PARD3B: variants seen among roughly 807,000 people sequenced by gnomAD.
PARD3B encodes the protein par-3 family cell polarity regulator beta, also known as partitioning defective 3 homolog B.
Under a neutral mutation model 130.2 loss-of-function variants are expected in PARD3B, and 103 were observed. That is an observed-to-expected ratio of 0.79 (90% CI 0.67 to 0.93). The LOEUF (loss-of-function observed/expected upper bound fraction) is 0.93, where lower values mean the gene tolerates loss of function less well. Among genes scored for constraint, PARD3B ranks in the 40% least tolerant of loss-of-function variants. PARD3B has a pLI of 0.00. For synonymous variants in PARD3B, 583 were observed against 553.2 expected, an observed-to-expected ratio of 1.05 and a Z score of -0.76; for missense variants, 1,609 against 1,499.2, an observed-to-expected ratio of 1.07 and a Z score of -1.21.
intron 3 of PARD3B, among the ~76,000 whole-genome samples, chr2:204,992,488 G>A (rs969841214): frequency 6.8e-5 from 10 of 146,024 alleles, no homozygotes; most frequent in Non-Finnish European, 1.4e-4. Context: ...TAGCCTTGTA[G>A]TATAGTTTGA....
At chr2:204,641,961 T>G (rs926626211) in intron 1 of PARD3B, among the ~76,000 whole-genome samples, 2 of 152,190 alleles carry the variant, frequency 1.3e-5, no homozygotes, top group Non-Finnish European at 2.9e-5. Flanking sequence ...GTTATTCTAT[T>G]TAGAAATATT....
At chr2:204,710,798 T>C (rs1010047957) in intron 2 of PARD3B, among the ~76,000 whole-genome samples, 11 of 152,218 alleles carry the variant, frequency 7.2e-5, no homozygotes, top group African/African-American at 2.2e-4. Flanking sequence ...ATTTATTTAC[T>C]GTTATGTAGT....
chr2:204,783,386 G>T (rs557436447), intron 2 of PARD3B, among the ~76,000 whole-genome samples: 2 of 152,058 alleles, frequency 1.3e-5, no homozygotes, highest in Non-Finnish European at 2.9e-5. Context: ...CTTTAAAGTC[G>T]GTTCTTTTCT....
intron 3 of PARD3B, among the ~76,000 whole-genome samples, chr2:205,016,240 TG>T (rs1254532081): frequency 6.6e-6 from 1 of 152,214 alleles, no homozygotes; most frequent in Admixed American, 6.5e-5. Flanking sequence ...TGCTGGGAAC[TG>T]TAATGGCCTC....
At chr2:205,435,589 T>C (rs1024358371) in intron 19 of PARD3B, among the ~76,000 whole-genome samples, 2 of 152,076 alleles carry the variant, frequency 1.3e-5, no homozygotes, top group Non-Finnish European at 2.9e-5. Flanking sequence ...ATTTGGGTTT[T>C]AGTGGTTTCT....
intron 1 of PARD3B, among the ~76,000 whole-genome samples, chr2:204,633,679 G>A (rs1401109225): frequency 1.3e-5 from 2 of 152,120 alleles, no homozygotes; most frequent in Non-Finnish European, 2.9e-5. Flanking sequence ...AGGCATGGTG[G>A]TGCACACCTG....
chr2:204,889,367 A>G (rs538387267), intron 2 of PARD3B, among the ~76,000 whole-genome samples: 1 of 152,314 alleles, frequency 6.6e-6, no homozygotes, highest in African/African-American at 2.4e-5. Flanking sequence ...TCTCTCTACT[A>G]TATATAAAAG....
chr2:205,551,476 C>T (rs2052644980), intron 21 of PARD3B, among the ~76,000 whole-genome samples: 1 of 151,866 alleles, frequency 6.6e-6, no homozygotes, highest in African/African-American at 2.4e-5. Flanking sequence ...TCTGTGATTG[C>T]TTTAAAGATG....
At chr2:205,145,823 C>CA (rs58133781) in intron 10 of PARD3B, among the ~76,000 whole-genome samples, 76,833 of 126,668 alleles carry the variant, frequency 0.61, 22,378 homozygotes, top group Admixed American at 0.7. Context: ...TCCAAGAAGT[C>CA]AAAAAAAAAA....
At chr2:205,062,253 G>A (rs183341179) in intron 4 of PARD3B, among the ~76,000 whole-genome samples, 31 of 152,064 alleles carry the variant, frequency 2.0e-4, no homozygotes, top group African/African-American at 6.5e-4. Flanking sequence ...TAATACGTTC[G>A]TTGAGGTCGT....
In PARD3B at chr2:205,504,464, G is replaced by A. The variant is rs1442635176; in HGVS notation, c.3180+4433G>A. Among the ~76,000 whole-genome samples the A allele has an allele frequency of 2.6e-5, 4 of 152,166 alleles. No individual in the cohort carries two copies. The East Asian group carries it at 5.8e-4, about 22-fold the overall frequency. On this transcript the variant is annotated intron_variant, in intron 21 of 22. Transcript: ENST00000406610. ...CATCAGAGTGAACAGGCAACCTACA[G>A]AATGGGAGAAAATTTTTGCAATCTA...
intron 18 of PARD3B, among the ~76,000 whole-genome samples, chr2:205,399,593 G>A (rs895569370): frequency 9.2e-5 from 14 of 152,156 alleles, no homozygotes; most frequent in South Asian, 6.2e-4. Flanking sequence ...GACCTCAGGT[G>A]ATCCACCTGC....
chr2:205,104,046 G>A (rs796498392), intron 4 of PARD3B, among the ~76,000 whole-genome samples: 2 of 152,104 alleles, frequency 1.3e-5, no homozygotes, highest in African/African-American at 4.8e-5. Context: ...GTTGTGAGGG[G>A]CAAGCAAGTA....
At chr2:205,490,821 G>T (rs1215696527) in intron 20 of PARD3B, among the ~76,000 whole-genome samples, 2 of 152,170 alleles carry the variant, frequency 1.3e-5, no homozygotes, top group East Asian at 3.9e-4. Context: ...GTGTGAGATG[G>T]TATCTCATTG....
At chr2:204,699,255 A>G (rs2037766832) in intron 2 of PARD3B, among the ~76,000 whole-genome samples, 1 of 152,044 alleles carries the variant, frequency 6.6e-6, no homozygotes, top group Admixed American at 6.6e-5. Flanking sequence ...GACTGGGGAT[A>G]TTTCTTGTTC....
chr2:205,381,887 C>A (rs2045462216), intron 18 of PARD3B, among the ~76,000 whole-genome samples: 1 of 151,918 alleles, frequency 6.6e-6, no homozygotes, highest in African/African-American at 2.4e-5. Flanking sequence ...TATGCATTTC[C>A]TTCTTTAACC....
chr2:205,544,688 T>C (rs147534563), intron 21 of PARD3B, among the ~76,000 whole-genome samples: 19 of 152,302 alleles, frequency 1.2e-4, no homozygotes, highest in Non-Finnish European at 2.4e-4. Context: ...ACCATAAGAT[T>C]TCATGCTTAA....
At chr2:204,749,293 A>G (rs1423792346) in intron 2 of PARD3B, among the ~76,000 whole-genome samples, 1 of 152,178 alleles carries the variant, frequency 6.6e-6, no homozygotes, top group African/African-American at 2.4e-5. Flanking sequence ...TTTCCCAAGT[A>G]TCAAGGGGCC....
At chr2:205,059,081 C>T (rs975408112) in intron 4 of PARD3B, among the ~76,000 whole-genome samples, 6 of 151,644 alleles carry the variant, frequency 4.0e-5, no homozygotes, top group African/African-American at 7.3e-5. Flanking sequence ...TTTAGGTCTT[C>T]GATTTATTTT....
Sources: gnomAD v4.1 joint callset for allele counts (sites outside exome capture counted in the v4.1 genomes callset) on GRCh38, gnomAD v4.1.1 for gene constraint, MANE v1.5 for transcripts, NCBI Gene and HGNC (gene_info 2026-07-23, HGNC 2026-07-21) for gene names.